The following LRP1B variants were observed in gnomAD, a reference collection of about 807,000 sequenced individuals.
LRP1B encodes low-density lipoprotein receptor-related protein 1B.
In LRP1B, 217 loss-of-function variants were observed where a neutral mutation model predicts 556.6. The ratio of observed to expected loss-of-function variants is 0.39; its 90% CI spans 0.35 to 0.44. LRP1B has a LOEUF of 0.44. LRP1B is among the 20% of genes least tolerant of loss of function. LRP1B has a pLI of 1.00. For synonymous variants in LRP1B, 2,047 were observed against 1,865.8 expected (o/e 1.10, Z -2.50); for missense variants, 5,053 against 5,620.8 (o/e 0.90, Z 3.23).
chr2:142,035,608 T>C lies in LRP1B; in HGVS notation c.82+95040A>G, dbSNP rs962582343. Among the ~76,000 whole-genome samples, 4 of 151,742 alleles carry C rather than the reference T, an allele frequency of 2.6e-5. No homozygotes were observed. The South Asian group carries it at 6.2e-4, about 24-fold the overall frequency. On this transcript the variant is annotated intron_variant, in intron 1 of 90. Coordinates refer to ENST00000389484, the MANE Select transcript of LRP1B (RefSeq NM_018557.3). ...TAAGCACCGCTGCTTATGAGTTTTG[T>C]TTCCGTCCATTCCTTTTGGTGTAAT...
chr2:140,379,565 G>A (rs1683383153), intron 67 of LRP1B, among the ~76,000 whole-genome samples: 1 of 152,030 alleles, frequency 6.6e-6, no homozygotes. Context: ...CTTGGTGGCA[G>A]GCGCCTGTAA....
At chr2:141,086,392 C>T (rs1700046873) in intron 7 of LRP1B, among the ~76,000 whole-genome samples, 1 of 152,138 alleles carries the variant, frequency 6.6e-6, no homozygotes, top group Non-Finnish European at 1.5e-5. Flanking sequence ...AATTTCACTT[C>T]TACTCAATGA....
At chr2:140,996,890 T>C (rs984121626) in intron 15 of LRP1B, among the ~76,000 whole-genome samples, 8 of 152,026 alleles carry the variant, frequency 5.3e-5, no homozygotes, top group African/African-American at 1.9e-4. Context: ...ATATATATTA[T>C]TCTGTTCCAG....
At chr2:141,092,140 G>A (rs527419434) in intron 7 of LRP1B, among the ~76,000 whole-genome samples, 2 of 152,284 alleles carry the variant, frequency 1.3e-5, no homozygotes, top group South Asian at 4.1e-4. Flanking sequence ...TTTGTTATAT[G>A]TTGCTGTTTG....
intron 2 of LRP1B, among the ~76,000 whole-genome samples, chr2:141,747,045 C>T (rs1274096180): frequency 6.6e-6 from 1 of 152,108 alleles, no homozygotes; most frequent in African/African-American, 2.4e-5. Context: ...GAAGGGAAAC[C>T]TCTTCCCCTT....
intron 2 of LRP1B, among the ~76,000 whole-genome samples, chr2:141,528,121 C>T (rs1684751572): frequency 1.3e-5 from 2 of 151,728 alleles, no homozygotes; most frequent in South Asian, 4.2e-4. Context: ...TCCACGCTCC[C>T]TCTTCCAGTG....
At chr2:141,580,561 C>T (rs575407134) in intron 2 of LRP1B, among the ~76,000 whole-genome samples, 2 of 135,012 alleles carry the variant, frequency 1.5e-5, no homozygotes, top group African/African-American at 5.5e-5. Flanking sequence ...TTAGAGTCTT[C>T]CTACTTCCTC....
chr2:141,547,487 T>C (rs1254392718), intron 2 of LRP1B, among the ~76,000 whole-genome samples: 1 of 152,160 alleles, frequency 6.6e-6, no homozygotes, highest in Non-Finnish European at 1.5e-5. Flanking sequence ...CCCAGTGATG[T>C]CCTAATTCTT....
chr2:141,128,980 T>C (rs1204988322), intron 7 of LRP1B, among the ~76,000 whole-genome samples: 1 of 152,044 alleles, frequency 6.6e-6, no homozygotes, highest in African/African-American at 2.4e-5. Flanking sequence ...TTATATGAGA[T>C]TATAAAAAGA....
At chr2:141,993,868 T>G (rs1702411790) in intron 1 of LRP1B, among the ~76,000 whole-genome samples, 1 of 152,106 alleles carries the variant, frequency 6.6e-6, no homozygotes, top group African/African-American at 2.4e-5. Flanking sequence ...AGAACGAAGC[T>G]TGACCAAATG....
intron 6 of LRP1B, among the ~76,000 whole-genome samples, chr2:141,207,265 T>A (rs1682327642): frequency 6.6e-6 from 1 of 152,172 alleles, no homozygotes; most frequent in African/African-American, 2.4e-5. Context: ...ATTAGAAAAA[T>A]TATTCTCTCA....
intron 20 of LRP1B, among the ~76,000 whole-genome samples, chr2:140,927,695 A>G (rs1694926985): frequency 7.2e-6 from 1 of 138,838 alleles, no homozygotes; most frequent in East Asian, 2.3e-4. Context: ...GCAGATTAGT[A>G]TTACGAGGAA....
At chr2:141,592,803 G>A (rs997970044) in intron 2 of LRP1B, among the ~76,000 whole-genome samples, 1 of 152,080 alleles carries the variant, frequency 6.6e-6, no homozygotes, top group African/African-American at 2.4e-5. Context: ...AGCAACTGTT[G>A]TTACAAATAG....
chr2:140,471,228 C>T (rs185196346), intron 60 of LRP1B, among the ~76,000 whole-genome samples: 5 of 151,766 alleles, frequency 3.3e-5, no homozygotes, highest in African/African-American at 7.3e-5. Context: ...CACTTATTTG[C>T]GAACTTTATT....
At chr2:141,711,914 T>C (rs1267569393) in intron 2 of LRP1B, among the ~76,000 whole-genome samples, 1 of 151,336 alleles carries the variant, frequency 6.6e-6, no homozygotes, top group Non-Finnish European at 1.5e-5. Context: ...TCTCTCCCTC[T>C]TCTTTTTCTC....
At chr2:142,072,847 G>A (rs1366099848) in intron 1 of LRP1B, among the ~76,000 whole-genome samples, 1 of 151,990 alleles carries the variant, frequency 6.6e-6, no homozygotes, top group African/African-American at 2.4e-5. Flanking sequence ...ATAGAAGTTT[G>A]ATGCATCTGC....
In LRP1B at chr2:140,507,942, A is replaced by G. The variant is rs78016163; in HGVS notation, c.8399-1024T>C. ...ATAAAATGTATCTGATACATTTCTTATAAGGGCTAGATAATGTATGTGAAG... is the reference window on the plus strand; with the variant it reads ...ATAAAATGTATCTGATACATTTCTTGTAAGGGCTAGATAATGTATGTGAAG... On this transcript the variant is annotated intron_variant, in intron 52 of 90. Coordinates refer to ENST00000389484, the MANE Select transcript of LRP1B (RefSeq NM_018557.3). Among the ~76,000 whole-genome samples, 480 of 152,276 alleles carry G rather than the reference A, an allele frequency of 3.2e-3. 5 individuals are homozygous for G. Among genetic ancestry groups the G allele is most frequent in the African/African-American group, 0.011 (439 of 41,556 alleles).
intron 2 of LRP1B, among the ~76,000 whole-genome samples, chr2:141,598,868 G>A (rs2105305451): frequency 6.6e-6 from 1 of 152,156 alleles, no homozygotes; most frequent in African/African-American, 2.4e-5. Context: ...CAAAGAAGGT[G>A]AAAAGCGGTG....
chr2:141,568,465 C>T (rs914976063), intron 2 of LRP1B, among the ~76,000 whole-genome samples: 1 of 150,808 alleles, frequency 6.6e-6, no homozygotes, highest in Admixed American at 6.6e-5. Context: ...AAGTTCTTTG[C>T]CACAAAGACA....
Sources: gnomAD v4.1 joint callset for allele counts (sites outside exome capture counted in the v4.1 genomes callset) on GRCh38, gnomAD v4.1.1 for gene constraint, MANE v1.5 for transcripts, NCBI Gene and HGNC (gene_info 2026-07-23, HGNC 2026-07-21) for gene names.